PCM1: variants seen among roughly 807,000 people sequenced by gnomAD.
The protein encoded by PCM1 is pericentriolar material 1 protein.
PCM1 carries 157 observed loss-of-function variants against 241.9 expected under a neutral mutation model. That is an observed-to-expected ratio of 0.65 (90% confidence interval 0.57 to 0.74). PCM1 has a LOEUF of 0.74. Among genes scored for constraint, PCM1 ranks in the 30% least tolerant of loss-of-function variants. The pLI is 0.00. For missense variants in PCM1, 3,478 were observed against 2,360.1 expected (o/e 1.47, Z -9.81); for synonymous variants, 1,085 against 784.9 (o/e 1.38, Z -6.39).
chr8:17,965,367 G>T (rs915028242), intron 18 of PCM1, among the ~76,000 whole-genome samples: 13 of 152,322 alleles, frequency 8.5e-5, no homozygotes, highest in African/African-American at 2.2e-4. Context: ...GTTGAAAGGG[G>T]CTTGTTACGG....
intron 27 of PCM1, 57 bp downstream of exon 27, chr8:17,990,036 T>C: frequency 7.2e-7 from 1 of 1,385,740 alleles, no homozygotes; most frequent in Non-Finnish European, 9.6e-7. Context: ...GGTCCAGTCT[T>C]TGAATTGGCG....
intron 3 of PCM1, among the ~76,000 whole-genome samples, chr8:17,936,759 A>T (rs2129449246): frequency 6.6e-6 from 1 of 152,294 alleles, no homozygotes; most frequent in African/African-American, 2.4e-5. Flanking sequence ...TCTTTTTGAT[A>T]CGTACTGACT....
rs558504938 is a variant in PCM1, at chr8:18,021,899, T to C, written c.5842-3462T>C. 8.9e-4 allele frequency among the ~76,000 whole-genome samples: 135 copies of C among 152,194 alleles called. 4 individuals carry two copies. The highest frequency in any genetic ancestry group is 3.1e-4 in the Non-Finnish European group (21 of 68,032). On this transcript the variant is annotated intron_variant, in intron 36 of 38. Coordinates refer to ENST00000325083, the MANE Select transcript of PCM1 (RefSeq NM_006197.4). ...TTAGCTCTGAAATGACTCAATACTC[T>C]AAGACCTTAATGGATTATGCAAAAG... is the stretch of plus-strand genomic sequence containing the variant.
In PCM1 at chr8:17,936,371, G is replaced by C. The variant is rs780384794; in HGVS notation, c.96+665G>C. Among the ~76,000 whole-genome samples, 6 of 152,076 alleles carry C rather than the reference G, an allele frequency of 3.9e-5. No individual in the cohort carries two copies. The East Asian group carries it at 5.8e-4, about 15-fold the overall frequency. ...TAAAATAAGGAAAATATCCCAAGTG[G>C]TTTACTATACTAGTACTAAAAGAAT... On this transcript the variant is annotated intron_variant, in intron 3 of 38. Coordinates refer to ENST00000325083, the MANE Select transcript of PCM1 (RefSeq NM_006197.4).
intron 23 of PCM1, chr8:17,980,362 G>C (rs2080281886): frequency 2.7e-6 from 1 of 367,574 alleles, no homozygotes. Context: ...TACTCATTAA[G>C]ATGAGTATCA....
chr8:17,935,642 G>C lies in PCM1; in HGVS notation c.32G>C (p.Gly11Ala). ...ACAGGAGGAGGTCCCTTTGAAGATG[G>C]CATGAATGATCAGGATTTACCAAAC... is the stretch of plus-strand genomic sequence containing the variant. MATGGGPFED[G>A]MNDQDLPNWS... The change falls in exon 3 of 39, where the codon GGC (glycine) becomes GCC (alanine). Residue 11 changes from glycine (G) to alanine (A), a missense_variant. Transcript: ENST00000325083. The C allele has an allele frequency of 6.4e-7, 1 of 1,561,026 alleles. No homozygotes were observed. The highest frequency in any genetic ancestry group is 1.1e-5 in the South Asian group (1 of 89,708).
intron 31 of PCM1, 90 bp downstream of exon 31, chr8:18,009,834 A>G (rs2092207145): frequency 1.3e-6 from 1 of 794,618 alleles, no homozygotes; most frequent in Admixed American, 3.8e-5. Context: ...ATTTTACCTC[A>G]GCAAAAGTAG....
At chr8:17,975,074 G>A (rs1334293456) in intron 23 of PCM1, among the ~76,000 whole-genome samples, 1 of 152,082 alleles carries the variant, frequency 6.6e-6, no homozygotes, top group African/African-American at 2.4e-5. Context: ...AACTAAATCA[G>A]TATGTATTTT....
rs1177054211 is a variant in PCM1 at position 17,938,725 on chromosome 8, CT to C, written c.343-10del. The C allele has an allele frequency of 6.3e-7, 1 of 1,595,074 alleles. No homozygotes were observed. Among genetic ancestry groups the C allele is most frequent in the Admixed American group, 1.7e-5 (1 of 59,060 alleles). The stretch of plus-strand genomic sequence containing the variant: ...GGTTAATGTTTGTGTGATTTGATTT[CT>C]TTTTCATATATAGAGAAGCATTGGA... On this transcript the variant is annotated splice_polypyrimidine_tract_variant and intron_variant, in intron 4 of 38. Transcript: ENST00000325083.
At chr8:18,003,396 CCTACTTGA>C (rs1290389712) in intron 29 of PCM1, among the ~76,000 whole-genome samples, 3 of 152,176 alleles carry the variant, frequency 2.0e-5, no homozygotes, top group Non-Finnish European at 4.4e-5. Flanking sequence ...AGCCTTGTGT[CCTACTTGA>C]CATTATTGAA....
At position 17,975,451 on chromosome 8, in the gene PCM1, C is replaced by G. The variant is rs1292099932; in HGVS notation, c.3943+2764C>G. ...GTGGTGGGATTACAGGTGTGAGCCA[C>G]AGCGCCCGACCAATTTTTATTATAT... On this transcript the variant is annotated intron_variant, in intron 23 of 38. Coordinates refer to ENST00000325083, the MANE Select transcript of PCM1 (RefSeq NM_006197.4). 2.6e-5 allele frequency among the ~76,000 whole-genome samples: 4 copies of G among 152,132 alleles called. No homozygotes were observed. The South Asian group carries it at 8.3e-4, about 32-fold the overall frequency.
In PCM1 at chr8:18,018,864, A is replaced by G. The variant is rs2093490142; in HGVS notation, c.5841+4024A>G. Among the ~76,000 whole-genome samples the G allele has an allele frequency of 3.0e-5, 2 of 66,038 alleles. 1 individual carries two copies. The highest frequency in any genetic ancestry group is 7.2e-4 in the South Asian group (2 of 2,766). 43.3% of individuals were successfully genotyped at this position (66,038 alleles called of 152,430 possible). A position where few individuals can be genotyped will look rare whatever the true frequency, so the allele number is the denominator to read the frequency against. On this transcript the variant is annotated intron_variant, in intron 36 of 38. Transcript: ENST00000325083. ...TGTGTGTGTGTGTGTATATATATATATATATATATATATATACACACACAT... is the reference window on the plus strand; with the variant it reads ...TGTGTGTGTGTGTGTATATATATATGTATATATATATATATACACACACAT...
At chr8:17,983,562 C>T (rs1587787233) in intron 24 of PCM1, among the ~76,000 whole-genome samples, 1 of 152,132 alleles carries the variant, frequency 6.6e-6, no homozygotes, top group East Asian at 1.9e-4. Flanking sequence ...CGGTTTAGTA[C>T]TTGATTTGAG....
At chr8:17,930,364 A>T (rs1260403408) in intron 2 of PCM1, among the ~76,000 whole-genome samples, 1 of 151,516 alleles carries the variant, frequency 6.6e-6, no homozygotes, top group African/African-American at 2.4e-5. Flanking sequence ...TGGCCTCCCA[A>T]AATGCTGGGA....
chr8:17,956,494 T>G, intron 10 of PCM1, 110 bp from the exon 11 acceptor site: 1 of 663,292 alleles, frequency 1.5e-6, no homozygotes, highest in South Asian at 1.9e-5. Context: ...AGGTGGATAT[T>G]CCATTAGGTC....
At chr8:18,005,840 A>G (rs1490540107) in intron 29 of PCM1, among the ~76,000 whole-genome samples, 1 of 152,212 alleles carries the variant, frequency 6.6e-6, no homozygotes, top group African/African-American at 2.4e-5. Flanking sequence ...AATAATGTGA[A>G]GGTTGAGAAA....
At chr8:17,964,005 G>A (rs1469351624) in intron 17 of PCM1, among the ~76,000 whole-genome samples, 1 of 152,088 alleles carries the variant, frequency 6.6e-6, no homozygotes, top group African/African-American at 2.4e-5. Context: ...CTACACGTCT[G>A]TTCTTCTACA....
chr8:17,960,808 G>T (rs1168287426), intron 15 of PCM1, among the ~76,000 whole-genome samples: 1 of 152,036 alleles, frequency 6.6e-6, no homozygotes, highest in East Asian at 1.9e-4. Flanking sequence ...ACAGGCGCGA[G>T]AAACTACTCT....
chr8:17,993,424 G>A, intron 28 of PCM1, 59 bp from the exon 29 acceptor site: 3 of 1,145,510 alleles, frequency 2.6e-6, no homozygotes, highest in South Asian at 3.3e-5. Context: ...CAACATAAAG[G>A]CATATATGTA....
Sources: gnomAD v4.1 joint callset for allele counts (sites outside exome capture counted in the v4.1 genomes callset) on GRCh38, gnomAD v4.1.1 for gene constraint, MANE v1.5 for transcripts, NCBI Gene and HGNC (gene_info 2026-07-23, HGNC 2026-07-21) for gene names.